GRIP1: variants seen among roughly 807,000 people sequenced by gnomAD.
The protein encoded by GRIP1 is glutamate receptor interacting protein 1, also known as glutamate receptor-interacting protein 1.
In GRIP1, 45 loss-of-function variants were observed where a neutral mutation model predicts 129.9. The ratio of observed to expected loss-of-function variants is 0.35; its 90% CI spans 0.27 to 0.44. GRIP1 has a LOEUF of 0.44. GRIP1 is among the 20% of genes least tolerant of loss of function. GRIP1 has a pLI of 1.00. For missense variants in GRIP1, 1,196 were observed against 1,396.8 expected (o/e 0.86, Z 2.29); for synonymous variants, 530 against 520.8 (o/e 1.02, Z -0.24).
At chr12:66,393,265 G>A (rs2056663927) in intron 17 of GRIP1, among the ~76,000 whole-genome samples, 1 of 124,764 alleles carries the variant, frequency 8.0e-6, no homozygotes, top group Non-Finnish European at 1.6e-5. Flanking sequence ...TGCAACCTCC[G>A]CATCCCGGGT....
chr12:66,349,410 A>G (rs185622741), intron 24 of GRIP1, among the ~76,000 whole-genome samples, 164 bp from the exon 25 acceptor site: 1 of 152,336 alleles, frequency 6.6e-6, no homozygotes, highest in Admixed American at 6.5e-5. Flanking sequence ...CTACTGGCTC[A>G]ATTGCCATTG....
At chr12:66,585,306 T>C (rs1380845411) in intron 2 of GRIP1, among the ~76,000 whole-genome samples, 3 of 124,774 alleles carry the variant, frequency 2.4e-5, no homozygotes, top group Non-Finnish European at 4.9e-5. Flanking sequence ...CCTGTGTCCA[T>C]ATGATCTCAT....
At chr12:66,586,232 C>G (rs1364165401) in intron 2 of GRIP1, among the ~76,000 whole-genome samples, 2 of 152,106 alleles carry the variant, frequency 1.3e-5, no homozygotes, top group African/African-American at 4.8e-5. Flanking sequence ...TCAGGGTCAC[C>G]AAACCTCTCT....
chr12:66,526,956 C>A (rs1299326110), intron 5 of GRIP1, among the ~76,000 whole-genome samples: 2 of 136,906 alleles, frequency 1.5e-5, no homozygotes, highest in East Asian at 4.0e-4. Flanking sequence ...CAGAGAAATG[C>A]AAATCAAAAC....
chr12:67,008,106 T>C (rs910500881), intron 1 of GRIP1, among the ~76,000 whole-genome samples: 3 of 152,154 alleles, frequency 2.0e-5, no homozygotes, highest in African/African-American at 7.2e-5. Flanking sequence ...TATTTAAACT[T>C]TTCTTTTTGA....
intron 1 of GRIP1, among the ~76,000 whole-genome samples, chr12:66,829,388 T>C (rs937408624): frequency 1.2e-4 from 19 of 152,156 alleles, no homozygotes; most frequent in Non-Finnish European, 1.5e-5. Flanking sequence ...TGCTGACACT[T>C]TGAGGTCAGC....
chr12:66,367,342 A>G (rs1168237858), intron 23 of GRIP1, among the ~76,000 whole-genome samples: 1 of 152,190 alleles, frequency 6.6e-6, no homozygotes, highest in Non-Finnish European at 1.5e-5. Flanking sequence ...GATTTCACTG[A>G]AACAGTTATC....
chr12:66,613,488 T>C (rs952353307), intron 1 of GRIP1, among the ~76,000 whole-genome samples: 1 of 152,110 alleles, frequency 6.6e-6, no homozygotes, highest in African/African-American at 2.4e-5. Context: ...TGAGAAACAA[T>C]TGAAAAACAA....
intron 23 of GRIP1, among the ~76,000 whole-genome samples, chr12:66,364,884 C>T (rs1430407447): frequency 2.6e-5 from 4 of 151,992 alleles, no homozygotes; most frequent in Non-Finnish European, 5.9e-5. Context: ...GCCCACAGAC[C>T]CTCTCTGGAA....
At chr12:66,362,435 A>G (rs1184552) in intron 23 of GRIP1, among the ~76,000 whole-genome samples, 74,364 of 151,158 alleles carry the variant, frequency 0.49, 18,998 homozygotes, top group East Asian at 0.58. Flanking sequence ...TTACAGGCGC[A>G]AGTCACCGCG....
At chr12:66,417,752 G>A (rs1028940256) in intron 15 of GRIP1, among the ~76,000 whole-genome samples, 1 of 151,996 alleles carries the variant, frequency 6.6e-6, no homozygotes, top group Non-Finnish European at 1.5e-5. Context: ...TCTCTACAAT[G>A]AAAACTGTAA....
intron 1 of GRIP1, among the ~76,000 whole-genome samples, chr12:66,931,717 G>A (rs2041399032): frequency 6.6e-6 from 1 of 152,122 alleles, no homozygotes; most frequent in Non-Finnish European, 1.5e-5. Context: ...CCAGAAATTA[G>A]AAATCTGAGA....
At chr12:66,636,338 C>T (rs967121526) in intron 1 of GRIP1, among the ~76,000 whole-genome samples, 11 of 152,236 alleles carry the variant, frequency 7.2e-5, no homozygotes, top group Non-Finnish European at 1.0e-4. Context: ...ATTGTGTTAA[C>T]GGTTGTACAA....
At chr12:66,526,338 T>C (rs544457993) in intron 5 of GRIP1, among the ~76,000 whole-genome samples, 1 of 152,028 alleles carries the variant, frequency 6.6e-6, no homozygotes, top group Non-Finnish European at 1.5e-5. Context: ...CAGATATAGA[T>C]CAATGGAACA....
chr12:66,495,039 G>A (rs1051709116), intron 7 of GRIP1, among the ~76,000 whole-genome samples: 7 of 152,146 alleles, frequency 4.6e-5, no homozygotes, highest in African/African-American at 9.7e-5. Flanking sequence ...GATGCTTGTC[G>A]ATACAAACTG....
At chr12:66,545,464 G>A (rs1051511177) in intron 2 of GRIP1, among the ~76,000 whole-genome samples, 2 of 152,174 alleles carry the variant, frequency 1.3e-5, no homozygotes, top group Non-Finnish European at 2.9e-5. Context: ...ACAACAGCCA[G>A]TAAAAGGTTA....
chr12:66,838,560 A>C (rs1381469747), intron 1 of GRIP1, among the ~76,000 whole-genome samples: 1 of 152,196 alleles, frequency 6.6e-6, no homozygotes, highest in Admixed American at 6.5e-5. Flanking sequence ...GAACAAATCA[A>C]CTTAGACATA....
chr12:67,052,684 C>T (rs907712417), intron 1 of GRIP1, among the ~76,000 whole-genome samples: 5 of 145,194 alleles, frequency 3.4e-5, no homozygotes, highest in South Asian at 2.2e-4. Flanking sequence ...GGCGTAAACC[C>T]GTGAGGCAGA....
At chr12:66,638,057 A>G (rs2031571908) in intron 1 of GRIP1, among the ~76,000 whole-genome samples, 1 of 152,198 alleles carries the variant, frequency 6.6e-6, no homozygotes. Context: ...AGGGCCATTT[A>G]GATATATGCC....
Sources: allele counts gnomAD v4.1 joint callset (sites outside exome capture counted in the v4.1 genomes callset), GRCh38; gene constraint gnomAD v4.1.1; transcripts MANE v1.5; gene names NCBI Gene and HGNC (gene_info 2026-07-23, HGNC 2026-07-21).